Variants in NUP93 observed in about 807,000 individuals in gnomAD.
NUP93 encodes the protein nuclear pore complex protein Nup93.
NUP93 carries 55 observed loss-of-function variants against 107.8 expected under a neutral mutation model. The ratio of observed to expected loss-of-function variants is 0.51; its 90% CI spans 0.41 to 0.64. The LOEUF is 0.64. Among genes scored for constraint, NUP93 ranks in the 30% least tolerant of loss-of-function variants. The pLI is 0.00. For missense variants in NUP93, 937 were observed against 1,044.7 expected (o/e 0.90, Z 1.42); for synonymous variants, 390 against 397.5 (o/e 0.98, Z 0.22).
intron 3 of NUP93, among the ~76,000 whole-genome samples, chr16:56,786,666 TG>T (rs1962634172): frequency 1.3e-5 from 2 of 152,250 alleles, no homozygotes; most frequent in African/African-American, 2.4e-5. Flanking sequence ...GTTGAGCTTT[TG>T]GGTCCATTGT....
At chr16:56,782,123 G>A (rs1374872397) in intron 3 of NUP93, 8 of 985,118 alleles carry the variant, frequency 8.1e-6, no homozygotes, top group Non-Finnish European at 8.4e-6. Context: ...CACTGGTTCC[G>A]ACAGAGCTCA....
chr16:56,846,076 C>T lies in NUP93; in HGVS notation c.*1467C>T, dbSNP rs1567417419. 6.6e-6 allele frequency: 1 copy of T among 152,134 alleles called. No homozygotes were observed. Among genetic ancestry groups the T allele is most frequent in the African/African-American group, 2.4e-5 (1 of 41,420 alleles). The allele number at this position is 152,134 out of a possible 1,614,324, so 9.4% of individuals were successfully genotyped here. On this transcript the variant is annotated 3_prime_UTR_variant, in exon 22 of 22. Transcript: ENST00000308159. ...GCAAGTTGTGCCCTGCTTATATGTG[C>T]TGATTTAAGCTAATCAAATGATTTA...
chr16:56,842,705 A>T, intron 21 of NUP93: 1 of 414,166 alleles, frequency 2.4e-6, no homozygotes, highest in Non-Finnish European at 4.7e-6. Context: ...GGTACGCACC[A>T]CCACACCCAG....
At chr16:56,739,894 G>A (rs79044617) in intron 1 of NUP93, among the ~76,000 whole-genome samples, 1 of 90,550 alleles carries the variant, frequency 1.1e-5, no homozygotes, top group South Asian at 4.6e-4. Context: ...GGCCAGGCGG[G>A]GGGCTGACCC....
chr16:56,771,074 G>T (rs886779097), intron 3 of NUP93, among the ~76,000 whole-genome samples: 4 of 152,068 alleles, frequency 2.6e-5, no homozygotes, highest in South Asian at 4.2e-4. Flanking sequence ...TCATTTCATT[G>T]TCCCCTCAAA....
intron 3 of NUP93, among the ~76,000 whole-genome samples, chr16:56,788,732 C>T (rs1962684775): frequency 6.6e-6 from 1 of 152,184 alleles, no homozygotes; most frequent in Non-Finnish European, 1.5e-5. Flanking sequence ...CCTTCCTCCC[C>T]AAGTGCAGCA....
At chr16:56,737,720 CTG>C (rs145682251) in intron 1 of NUP93, among the ~76,000 whole-genome samples, 6,255 of 151,544 alleles carry the variant, frequency 0.041, 185 homozygotes, top group East Asian at 0.076. Context: ...TTTTCCATTG[CTG>C]TGTGTGGTAT....
rs112775049 is a variant in NUP93 at position 56,807,748 on chromosome 16, C to T, written c.489+2116C>T. ...TAAAATATAGGCAGTGTGGCCCGGGCGCGGTGGTTCACGCCTATAATCCCA... is the reference window on the plus strand; with the variant it reads ...TAAAATATAGGCAGTGTGGCCCGGGTGCGGTGGTTCACGCCTATAATCCCA... On this transcript the variant is annotated intron_variant, in intron 5 of 21. Transcript: ENST00000308159. 4.1e-3 allele frequency among the ~76,000 whole-genome samples: 629 copies of T among 151,966 alleles called. 5 individuals carry two copies. Among genetic ancestry groups the T allele is most frequent in the African/African-American group, 0.015 (604 of 41,426 alleles).
rs999502992 is a variant in NUP93, at chr16:56,848,274, A to T, written c.*3665A>T. ...GCCTGACAAAGTCTTGGCAGTCCCCACACTGACTGCGAACTCTCCCTTAGC... is the reference window on the plus strand; with the variant it reads ...GCCTGACAAAGTCTTGGCAGTCCCCTCACTGACTGCGAACTCTCCCTTAGC... On this transcript the variant is annotated 3_prime_UTR_variant, in exon 22 of 22. Transcript: ENST00000308159. 6.6e-5 allele frequency: 10 copies of T among 152,218 alleles called. No homozygotes were observed. The highest frequency in any genetic ancestry group is 2.4e-4 in the African/African-American group (10 of 41,456). The allele number at this position is 152,218 out of a possible 1,614,324, so 9.4% of individuals were successfully genotyped here. A position where few individuals can be genotyped will look rare whatever the true frequency, so the allele number is the denominator to read the frequency against.
chr16:56,731,670 A>G (rs1961537637), intron 1 of NUP93, among the ~76,000 whole-genome samples: 3 of 152,132 alleles, frequency 2.0e-5, no homozygotes, highest in Admixed American at 2.0e-4. Flanking sequence ...GGCCTCCCAC[A>G]AAAGTGTTGG....
intron 3 of NUP93, among the ~76,000 whole-genome samples, chr16:56,789,353 T>G (rs1962701734): frequency 1.3e-5 from 2 of 152,234 alleles, no homozygotes; most frequent in African/African-American, 4.8e-5. Flanking sequence ...ATTTAAATCA[T>G]GGGGGCAAAT....
intron 4 of NUP93, among the ~76,000 whole-genome samples, chr16:56,801,109 T>C (rs1305808092): frequency 6.6e-6 from 1 of 152,232 alleles, no homozygotes; most frequent in Non-Finnish European, 1.5e-5. Context: ...TCCTTTTTCT[T>C]GTCTATTGAG....
At chr16:56,742,921 G>T (rs188620312) in intron 1 of NUP93, among the ~76,000 whole-genome samples, 2 of 152,208 alleles carry the variant, frequency 1.3e-5, no homozygotes, top group Admixed American at 1.3e-4. Flanking sequence ...AAAAATAAAA[G>T]AAACCAATGA....
intron 5 of NUP93, among the ~76,000 whole-genome samples, chr16:56,816,230 G>A (rs1454246910): frequency 6.6e-6 from 1 of 152,208 alleles, no homozygotes; most frequent in Non-Finnish European, 1.5e-5. Context: ...AATAGTGTTG[G>A]CACATAGTAA....
chr16:56,798,770 G>T (rs528658226), intron 4 of NUP93, among the ~76,000 whole-genome samples: 1 of 152,098 alleles, frequency 6.6e-6, no homozygotes, highest in Admixed American at 6.5e-5. Context: ...TCCGGTGGTT[G>T]TGGGAGAATT....
rs2144662813 is a variant in NUP93 at position 56,849,288 on chromosome 16, AG to A, written c.*4684del. On this transcript the variant is annotated 3_prime_UTR_variant, in exon 22 of 22. Coordinates refer to ENST00000308159, the MANE Select transcript of NUP93 (RefSeq NM_014669.5). ...GCACAGCAGCAGGGAAACATTGAGA[AG>A]GGGGTGGAAATTTGATGTACTGTGA... 6.6e-6 allele frequency: 1 copy of A among 152,348 alleles called. No individual in the cohort carries two copies. The highest frequency in any genetic ancestry group is 2.1e-4 in the South Asian group (1 of 4,820). 9.4% of individuals were successfully genotyped at this position (152,348 alleles called of 1,614,324 possible). A position where few individuals can be genotyped will look rare whatever the true frequency, so the allele number is the denominator to read the frequency against.
Position 56,834,242 on chromosome 16 carries a change from T to G in NUP93, c.1652T>G (p.Phe551Cys). The G allele has an allele frequency of 6.2e-7, 1 of 1,614,126 alleles. No homozygotes were observed. Among genetic ancestry groups the G allele is most frequent in the Non-Finnish European group, 8.5e-7 (1 of 1,179,958 alleles). ...STDPREALQY[F>C]YFLRDEKDSQ... is the part of the protein sequence containing the mutation. Reference sequence around the variant, plus strand: ...GACCCAAGGGAGGCCCTCCAGTACTTCTATTTCCTCAGGTAACATTTGCTT... The same window carrying G: ...GACCCAAGGGAGGCCCTCCAGTACTGCTATTTCCTCAGGTAACATTTGCTT... Residue 551 changes from phenylalanine to cysteine, a missense_variant, in exon 14 of 22, where the codon TTC (phenylalanine) becomes TGC (cysteine). Transcript: ENST00000308159.
At chr16:56,781,925 G>T (rs1962522970) in intron 3 of NUP93, 1 of 985,194 alleles carries the variant, frequency 1.0e-6, no homozygotes, top group South Asian at 4.7e-5. Context: ...GGGGGCTGCA[G>T]TGCACCCTTT....
At position 56,756,306 on chromosome 16, in the gene NUP93, C is replaced by G. The variant is rs1398148466; in HGVS notation, c.180-2232C>G. Among the ~76,000 whole-genome samples, 51 of 92,742 alleles carry G rather than the reference C, an allele frequency of 5.5e-4. 3 individuals are homozygous for G. The South Asian group carries it at 0.027, about 50-fold the overall frequency. 60.8% of individuals were successfully genotyped at this position (92,742 alleles called of 152,430 possible). A position where few individuals can be genotyped will look rare whatever the true frequency, so the allele number is the denominator to read the frequency against. ...CTCTCTCTCTCCTTGCCCCCCCCCC[C>G]CCCGACAGGCTCCTATGTGTGTTGT... On this transcript the variant is annotated intron_variant, in intron 2 of 21. Coordinates refer to ENST00000308159, the MANE Select transcript of NUP93 (RefSeq NM_014669.5).
Sources: gnomAD v4.1 joint callset for allele counts (sites outside exome capture counted in the v4.1 genomes callset) on GRCh38, gnomAD v4.1.1 for gene constraint, MANE v1.5 for transcripts, NCBI Gene and HGNC (gene_info 2026-07-23, HGNC 2026-07-21) for gene names.